GRM1: variants seen among roughly 807,000 people sequenced by gnomAD.
GRM1 encodes the protein metabotropic glutamate receptor 1.
In GRM1, 33 loss-of-function variants were observed where a neutral mutation model predicts 90.9. The ratio of observed to expected loss-of-function variants is 0.36; its 90% CI spans 0.28 to 0.49. GRM1 has a LOEUF of 0.49. GRM1 is among the 20% of genes least tolerant of loss of function. GRM1 has a pLI of 0.99. For synonymous variants in GRM1, 700 were observed against 613.2 expected (o/e 1.14, Z -2.09); for missense variants, 1,190 against 1,534.3 (o/e 0.78, Z 3.75).
intron 2 of GRM1, among the ~76,000 whole-genome samples, chr6:146,293,568 C>T (rs1418505233): frequency 6.6e-6 from 1 of 151,900 alleles, no homozygotes; most frequent in Non-Finnish European, 1.5e-5. Context: ...TTTCAGAAAT[C>T]TTTCAGTCTT....
At chr6:146,322,245 G>C (rs1784216996) in intron 3 of GRM1, among the ~76,000 whole-genome samples, 3 of 152,220 alleles carry the variant, frequency 2.0e-5, no homozygotes, top group Non-Finnish European at 4.4e-5. Context: ...GAACAGCAAA[G>C]ATTGCTGTCT....
chr6:146,187,396 T>G (rs1778770811), intron 2 of GRM1, among the ~76,000 whole-genome samples: 1 of 152,118 alleles, frequency 6.6e-6, no homozygotes, highest in African/African-American at 2.4e-5. Flanking sequence ...AATGAGGACA[T>G]TTATAACTCA....
At chr6:146,144,089 G>C (rs572290478) in intron 1 of GRM1, among the ~76,000 whole-genome samples, 2 of 152,288 alleles carry the variant, frequency 1.3e-5, no homozygotes, top group South Asian at 4.1e-4. Context: ...GGAGCCTGGG[G>C]AGTTGAAGAT....
At chr6:146,430,470 G>GTAAC (rs1778367593) in intron 7 of GRM1, among the ~76,000 whole-genome samples, 1 of 152,182 alleles carries the variant, frequency 6.6e-6, no homozygotes, top group Non-Finnish European at 1.5e-5. Flanking sequence ...AAAAGGTTCA[G>GTAAC]GTGCTTTGTA....
At chr6:146,315,501 T>G (rs1783935224) in intron 3 of GRM1, among the ~76,000 whole-genome samples, 1 of 152,210 alleles carries the variant, frequency 6.6e-6, no homozygotes, top group African/African-American at 2.4e-5. Flanking sequence ...TTTGGCTAAA[T>G]TAATAGCTTA....
chr6:146,314,404 G>A (rs1783892601), intron 3 of GRM1, among the ~76,000 whole-genome samples: 1 of 152,094 alleles, frequency 6.6e-6, no homozygotes, highest in South Asian at 2.1e-4. Context: ...GTATCATAAT[G>A]TGGTTATTTA....
chr6:146,312,057 T>G (rs2114944760), intron 3 of GRM1, among the ~76,000 whole-genome samples: 1 of 152,210 alleles, frequency 6.6e-6, no homozygotes, highest in African/African-American at 2.4e-5. Context: ...TTAAGAATAT[T>G]TAGGCCTGGT....
At chr6:146,422,109 A>T (rs2114661720) in intron 7 of GRM1, among the ~76,000 whole-genome samples, 1 of 152,228 alleles carries the variant, frequency 6.6e-6, no homozygotes, top group African/African-American at 2.4e-5. Context: ...TTTAAGACTG[A>T]CCATCTGGAA....
chr6:146,230,712 A>G (rs761500404), intron 2 of GRM1, among the ~76,000 whole-genome samples: 9 of 152,206 alleles, frequency 5.9e-5, no homozygotes, highest in Non-Finnish European at 1.0e-4. Flanking sequence ...AAACCTGCAT[A>G]TGGAAGTTTA....
intron 7 of GRM1, among the ~76,000 whole-genome samples, chr6:146,400,136 C>T (rs894731256): frequency 3.3e-5 from 5 of 152,098 alleles, no homozygotes; most frequent in Non-Finnish European, 5.9e-5. Context: ...TTTATCATTC[C>T]GGAATCACAC....
chr6:146,305,740 C>T (rs1478471507), intron 3 of GRM1, among the ~76,000 whole-genome samples: 2 of 152,116 alleles, frequency 1.3e-5, no homozygotes, highest in Admixed American at 1.3e-4. Context: ...TGTATGTAGG[C>T]TACGCAGATA....
intron 1 of GRM1, among the ~76,000 whole-genome samples, chr6:146,054,809 A>G (rs1367674976): frequency 6.6e-6 from 1 of 152,144 alleles, no homozygotes; most frequent in Admixed American, 6.6e-5. Context: ...ATATGTGTGT[A>G]TAATTTTTCC....
rs1783517063 is a variant in GRM1, at chr6:146,304,795, C to T, written c.1135C>T (p.Arg379Cys). ...PEFWQHRFQC[R>C]LPGHLLENPN... ...GTTCTGGCAACATCGGTTCCAGTGC[C>T]GCCTTCCAGGACACCTTCTGGAAAA... Residue 379 changes from arginine to cysteine, a missense_variant, in exon 3 of 8, where the codon CGC becomes TGC. Arg to Cys is a radical substitution (Grantham distance 180). Around this residue, in one of 10 missense-constraint regions of GRM1, gnomAD observed 414 missense variants for 598.4 expected, o/e 0.69. Transcript: ENST00000282753. The T allele has an allele frequency of 1.9e-6, 3 of 1,613,944 alleles. No individual in the cohort carries two copies. The highest frequency in any genetic ancestry group is 1.7e-6 in the Non-Finnish European group (2 of 1,179,910).
chr6:146,236,512 T>C (rs1780650483), intron 2 of GRM1, among the ~76,000 whole-genome samples: 1 of 152,140 alleles, frequency 6.6e-6, no homozygotes, highest in Non-Finnish European at 1.5e-5. Flanking sequence ...GAACATTCTC[T>C]GGTATTCTGG....
At chr6:146,380,427 C>G (rs1334623401) in intron 5 of GRM1, among the ~76,000 whole-genome samples, 1 of 151,814 alleles carries the variant, frequency 6.6e-6, no homozygotes, top group African/African-American at 2.4e-5. Flanking sequence ...TCACTGCCAC[C>G]CCAGGCCATA....
chr6:146,180,065 A>T (rs1222654716), intron 2 of GRM1, among the ~76,000 whole-genome samples: 1 of 151,988 alleles, frequency 6.6e-6, no homozygotes, highest in East Asian at 1.9e-4. Context: ...GATTTGCTTG[A>T]ACCTGGGAGG....
intron 1 of GRM1, among the ~76,000 whole-genome samples, chr6:146,155,519 A>G (rs1003910802): frequency 6.6e-6 from 1 of 152,242 alleles, no homozygotes; most frequent in African/African-American, 2.4e-5. Context: ...AAAGTGTCAC[A>G]TGACTATATT....
At chr6:146,102,786 A>ATT (rs932484413) in intron 1 of GRM1, among the ~76,000 whole-genome samples, 1 of 152,168 alleles carries the variant, frequency 6.6e-6, no homozygotes, top group African/African-American at 2.4e-5. Context: ...TCACTTACTG[A>ATT]TTTTTTTCAA....
chr6:146,285,981 G>C (rs1206753632), intron 2 of GRM1, among the ~76,000 whole-genome samples: 1 of 151,878 alleles, frequency 6.6e-6, no homozygotes, highest in Non-Finnish European at 1.5e-5. Context: ...TTATTTTTTT[G>C]CATGGAGTTG....
Sources: gnomAD v4.1 joint callset for allele counts (sites outside exome capture counted in the v4.1 genomes callset) on GRCh38, gnomAD v4.1.1 for gene constraint, gnomAD v4.1.1 regional missense constraint, MANE v1.5 for transcripts, NCBI Gene and HGNC (gene_info 2026-07-23, HGNC 2026-07-21) for gene names.